ARID4A: variants seen among roughly 807,000 people sequenced by gnomAD.
ARID4A encodes AT-rich interaction domain 4A.
A neutral mutation model predicts 148.6 loss-of-function variants in ARID4A; 39 were observed. The ratio of observed to expected loss-of-function variants is 0.26; its 90% CI spans 0.20 to 0.34. The LOEUF (loss-of-function observed/expected upper bound fraction) is 0.34. Among genes scored for constraint, ARID4A ranks in the 10% least tolerant of loss-of-function variants. The pLI is 1.00. For missense variants in ARID4A, 1,265 were observed against 1,449.1 expected, an observed-to-expected ratio of 0.87 and a Z score of 2.06; for synonymous variants, 475 against 481.2, an observed-to-expected ratio of 0.99 and a Z score of 0.17.
chr14:58,367,389 CAAG>C (rs2035404068), intron 23 of ARID4A, among the ~76,000 whole-genome samples: 1 of 152,192 alleles, frequency 6.6e-6, no homozygotes, highest in African/African-American at 2.4e-5. Context: ...GGCTTATTCT[CAAG>C]GAGATTATCT....
At chr14:58,345,837 C>T (rs956720140) in intron 12 of ARID4A, among the ~76,000 whole-genome samples, 2 of 148,052 alleles carry the variant, frequency 1.4e-5, no homozygotes, top group South Asian at 2.1e-4. Flanking sequence ...CTTAAGCAGT[C>T]CTCCCACCTC....
intron 23 of ARID4A, among the ~76,000 whole-genome samples, chr14:58,367,506 G>A (rs1320321231): frequency 3.3e-5 from 5 of 152,222 alleles, no homozygotes; most frequent in African/African-American, 7.2e-5. Flanking sequence ...GCCAGGTGGC[G>A]GAAGTACAGA....
chr14:58,357,008 A>AT (rs1164238769), intron 17 of ARID4A, among the ~76,000 whole-genome samples: 1 of 151,584 alleles, frequency 6.6e-6, no homozygotes, highest in Admixed American at 6.6e-5. Context: ...CTAAATTTGG[A>AT]TTTTTTTTCC....
intron 15 of ARID4A, among the ~76,000 whole-genome samples, 180 bp from the exon 16 acceptor site, chr14:58,350,893 G>C (rs918871111): frequency 1.1e-4 from 16 of 152,090 alleles, no homozygotes; most frequent in Non-Finnish European, 7.4e-5. Flanking sequence ...ACATAATTAA[G>C]TAATTCTATC....
intron 9 of ARID4A, among the ~76,000 whole-genome samples, chr14:58,328,774 C>G (rs1046893054): frequency 6.6e-5 from 10 of 152,088 alleles, no homozygotes; most frequent in Non-Finnish European, 1.0e-4. Flanking sequence ...GTGGGCAGAT[C>G]ATGAGCTCAG....
At position 58,364,273 on chromosome 14, in the gene ARID4A, T is replaced by C. The variant is rs764901938; in HGVS notation, c.2184T>C (p.Asn728=). The C allele has an allele frequency of 1.3e-6, 2 of 1,545,270 alleles. No individual in the cohort carries two copies. The highest frequency in any genetic ancestry group is 2.6e-5 in the South Asian group (2 of 78,340). ...AACTAGAAAAAAATGAAAATTTGAATGATGATAAGCTAGATGAAGAAAATC... is the reference window on the plus strand; with the variant it reads ...AACTAGAAAAAAATGAAAATTTGAACGATGATAAGCTAGATGAAGAAAATC... ...KDELEKNENL[N]DDKLDEENPK... Residue 728 remains asparagine (N), a synonymous_variant, in exon 20 of 24, where the codon AAT becomes AAC. Coordinates refer to ENST00000355431, the MANE Select transcript of ARID4A (RefSeq NM_002892.4).
intron 17 of ARID4A, among the ~76,000 whole-genome samples, chr14:58,356,355 A>G (rs529432630): frequency 2.6e-5 from 4 of 152,158 alleles, no homozygotes; most frequent in Non-Finnish European, 4.4e-5. Context: ...ATTTTACTAT[A>G]TGTCTATCTT....
At chr14:58,342,480 G>A (rs2034161515) in intron 11 of ARID4A, among the ~76,000 whole-genome samples, 1 of 152,004 alleles carries the variant, frequency 6.6e-6, no homozygotes, top group Non-Finnish European at 1.5e-5. Flanking sequence ...TCAAATGTTG[G>A]GTACAACCTA....
At position 58,373,056 on chromosome 14, in the gene ARID4A, T is replaced by C; in HGVS notation, c.*1067T>C. 1 of 200,156 alleles carries C rather than the reference T, an allele frequency of 5.0e-6. No individual in the cohort carries two copies. Among genetic ancestry groups the C allele is most frequent in the Non-Finnish European group, 1.0e-5 (1 of 96,940 alleles). 12.4% of individuals were successfully genotyped at this position (200,156 alleles called of 1,614,324 possible). A position where few individuals can be genotyped will look rare whatever the true frequency, so the allele number is the denominator to read the frequency against. On this transcript the variant is annotated 3_prime_UTR_variant, in exon 24 of 24. Transcript: ENST00000355431. ...CTCAGTCCATCAAACAGTATAGAAC[T>C]ATAAATGGGCATCTGGATCATTAAA... is the stretch of plus-strand genomic sequence containing the variant.
intron 5 of ARID4A, among the ~76,000 whole-genome samples, chr14:58,315,474 AT>A (rs941503925): frequency 4.9e-4 from 75 of 152,156 alleles, no homozygotes; most frequent in African/African-American, 1.8e-3. Context: ...TGTTATATAA[AT>A]TTTGGAGTGT....
chr14:58,317,277 TTTC>T (rs2140159541), intron 5 of ARID4A, among the ~76,000 whole-genome samples: 2 of 150,924 alleles, frequency 1.3e-5, no homozygotes, highest in African/African-American at 4.8e-5. Context: ...TCTTTCTTTC[TTTC>T]TTCTTTTTTA....
rs751322453 is a variant in ARID4A at position 58,365,284 on chromosome 14, A to C, written c.3195A>C (p.Arg1065Ser). ...SGTCSIIVQE[R>S]ESREKGQKRP... Reference sequence around the variant, plus strand: ...CCTGTAGTATAATTGTACAAGAGAGAGAGAGCAGAGAGAAGGGTAAGGACT... The same window carrying C: ...CCTGTAGTATAATTGTACAAGAGAGCGAGAGCAGAGAGAAGGGTAAGGACT... The change falls in exon 20 of 24, where the codon AGA (arginine) becomes AGC (serine). Residue 1065 changes from arginine (R) to serine (S), a missense_variant. Physicochemically the swap from Arg to Ser is moderately radical, Grantham distance 110. Transcript: ENST00000355431. 42 of 1,611,340 alleles carry C rather than the reference A, an allele frequency of 2.6e-5. No homozygotes were observed. In the Admixed American group the frequency reaches 4.0e-4, roughly 15 times the overall value.
chr14:58,353,256 T>G (rs1158911622), intron 16 of ARID4A, among the ~76,000 whole-genome samples: 1 of 152,200 alleles, frequency 6.6e-6, no homozygotes, highest in East Asian at 1.9e-4. Flanking sequence ...GAAGAATTTT[T>G]TCAGAGCATA....
intron 17 of ARID4A, among the ~76,000 whole-genome samples, chr14:58,355,799 C>G (rs1020192354): frequency 2.0e-4 from 31 of 152,130 alleles, no homozygotes; most frequent in African/African-American, 3.9e-4. Context: ...TCACAACTAT[C>G]CACTCCTATT....
intron 8 of ARID4A, among the ~76,000 whole-genome samples, chr14:58,326,636 T>C (rs533610147): frequency 1.3e-5 from 2 of 152,312 alleles, no homozygotes; most frequent in East Asian, 3.9e-4. Context: ...AGAGTGTTGT[T>C]ATTTGAGCTA....
intron 11 of ARID4A, among the ~76,000 whole-genome samples, chr14:58,338,853 C>A (rs1304564873): frequency 6.8e-6 from 1 of 148,104 alleles, no homozygotes; most frequent in Non-Finnish European, 1.5e-5. Flanking sequence ...CATTATTGCA[C>A]AAAAAAAAGT....
chr14:58,364,811 A>C lies in ARID4A; in HGVS notation c.2722A>C (p.Asn908His), dbSNP rs767541047. 6.2e-7 allele frequency: 1 copy of C among 1,614,150 alleles called. No homozygotes were observed. The highest frequency in any genetic ancestry group is 1.1e-5 in the South Asian group (1 of 91,082). The change falls in exon 20 of 24, where the codon AAT (asparagine) becomes CAT (histidine). Residue 908 changes from asparagine to histidine, a missense_variant. Around this residue, in one of 9 missense-constraint regions of ARID4A, gnomAD observed 666 missense variants for 730.9 expected, o/e 0.91. Coordinates refer to ENST00000355431, the MANE Select transcript of ARID4A (RefSeq NM_002892.4). ...LNFEQHFERENEGMPSLIAES... is the reference protein window; with the variant it reads ...LNFEQHFEREHEGMPSLIAES... ...TTTTGAACAGCACTTTGAAAGAGAAAATGAAGGAATGCCATCATTGATAGC... is the reference window on the plus strand; with the variant it reads ...TTTTGAACAGCACTTTGAAAGAGAACATGAAGGAATGCCATCATTGATAGC...
chr14:58,344,491 T>TA (rs773124739), intron 11 of ARID4A, among the ~76,000 whole-genome samples: 79 of 152,172 alleles, frequency 5.2e-4, no homozygotes, highest in Non-Finnish European at 9.7e-4. Flanking sequence ...AAAGTAGAGT[T>TA]AGAGTGGTAA....
At chr14:58,317,537 C>T (rs535702773) in intron 5 of ARID4A, among the ~76,000 whole-genome samples, 1 of 151,364 alleles carries the variant, frequency 6.6e-6, no homozygotes, top group African/African-American at 2.4e-5. Flanking sequence ...GTGATCCGCC[C>T]ACCTCGCCTC....
Sources: allele counts gnomAD v4.1 joint callset (sites outside exome capture counted in the v4.1 genomes callset), GRCh38; gene constraint gnomAD v4.1.1; regional missense constraint gnomAD v4.1.1; transcripts MANE v1.5; gene names NCBI Gene and HGNC (gene_info 2026-07-23, HGNC 2026-07-21).